Variants in SPOCK3 observed in about 807,000 individuals in gnomAD.
SPOCK3 encodes testican-3.
A neutral mutation model predicts 56.6 loss-of-function variants in SPOCK3; 30 were observed. That is an observed-to-expected ratio of 0.53 (90% CI 0.40 to 0.72). The LOEUF is 0.72. SPOCK3 is among the 30% of genes least tolerant of loss of function. SPOCK3 has a pLI of 0.00. For synonymous variants in SPOCK3, 196 were observed against 183.3 expected, an observed-to-expected ratio of 1.07 and a Z score of -0.56; for missense variants, 527 against 530.0, an observed-to-expected ratio of 0.99 and a Z score of 0.06.
intron 4 of SPOCK3, among the ~76,000 whole-genome samples, chr4:166,921,239 C>A (rs979187200): frequency 6.6e-5 from 10 of 152,052 alleles, no homozygotes; most frequent in Non-Finnish European, 1.2e-4. Flanking sequence ...TAAAAGGCAG[C>A]CTAATATTTT....
intron 2 of SPOCK3, among the ~76,000 whole-genome samples, chr4:167,203,767 A>G (rs1733753908): frequency 6.7e-6 from 1 of 149,892 alleles, no homozygotes; most frequent in Non-Finnish European, 1.5e-5. Flanking sequence ...GAGAAATGAA[A>G]TAACCAATCC....
At chr4:166,767,798 C>T (rs1299806643) in intron 7 of SPOCK3, among the ~76,000 whole-genome samples, 1 of 152,132 alleles carries the variant, frequency 6.6e-6, no homozygotes, top group African/African-American at 2.4e-5. Context: ...GTGTTAAAGT[C>T]TTCCATTATT....
chr4:167,129,101 T>C (rs1762511998), intron 2 of SPOCK3, among the ~76,000 whole-genome samples: 1 of 151,790 alleles, frequency 6.6e-6, no homozygotes, highest in Non-Finnish European at 1.5e-5. Flanking sequence ...TGACACAGAG[T>C]AGTGGTTCTC....
intron 2 of SPOCK3, among the ~76,000 whole-genome samples, chr4:167,097,178 A>G (rs1759231760): frequency 6.6e-6 from 1 of 151,772 alleles, no homozygotes; most frequent in Non-Finnish European, 1.5e-5. Flanking sequence ...GAACCACCAT[A>G]TAGTTGGGCT....
chr4:167,218,909 T>C (rs1735630270), intron 2 of SPOCK3, among the ~76,000 whole-genome samples: 1 of 152,168 alleles, frequency 6.6e-6, no homozygotes, highest in African/African-American at 2.4e-5. Flanking sequence ...TAGAGTTACT[T>C]TCAAATTTCA....
intron 2 of SPOCK3, among the ~76,000 whole-genome samples, chr4:167,205,443 ATATAT>A (rs1734121748): frequency 4.2e-5 from 2 of 47,974 alleles, no homozygotes; most frequent in East Asian, 8.5e-4. Flanking sequence ...ATATAATATA[ATATAT>A]ATTATATAAA....
chr4:166,969,486 T>TTTAAATGTGTTTAACACTTTTAACACA (rs573308126), intron 4 of SPOCK3, among the ~76,000 whole-genome samples: 9,504 of 147,108 alleles, frequency 0.065, 546 homozygotes, highest in Admixed American at 0.14. Flanking sequence ...GATCTAGTTG[T>TTTAAATGTGTTTAACACTTTTAACACA]TTAAATGTGT....
At chr4:167,035,882 C>G (rs756421458) in intron 3 of SPOCK3, among the ~76,000 whole-genome samples, 1 of 152,204 alleles carries the variant, frequency 6.6e-6, no homozygotes, top group Non-Finnish European at 1.5e-5. Flanking sequence ...TTCTGCAACT[C>G]CATGTCATTC....
intron 2 of SPOCK3, among the ~76,000 whole-genome samples, chr4:167,095,087 A>T (rs1759033639): frequency 6.6e-6 from 1 of 152,096 alleles, no homozygotes; most frequent in African/African-American, 2.4e-5. Flanking sequence ...TATTCAACAA[A>T]CTAGATAAGG....
chr4:167,112,212 A>G (rs1445652911), intron 2 of SPOCK3, among the ~76,000 whole-genome samples: 2 of 152,174 alleles, frequency 1.3e-5, no homozygotes, highest in East Asian at 1.9e-4. Context: ...TCTAAATCAT[A>G]TGAATCCCCT....
At chr4:166,919,544 T>G (rs1266025460) in intron 4 of SPOCK3, among the ~76,000 whole-genome samples, 3 of 152,182 alleles carry the variant, frequency 2.0e-5, no homozygotes, top group African/African-American at 7.2e-5. Flanking sequence ...AGCTTTGAAA[T>G]GTATAAAATG....
At chr4:166,738,701 T>C (rs1039227877) in intron 9 of SPOCK3, among the ~76,000 whole-genome samples, 8 of 143,726 alleles carry the variant, frequency 5.6e-5, no homozygotes, top group African/African-American at 1.5e-4. Context: ...TTCCCACCTA[T>C]GAGTGAGAAC....
intron 6 of SPOCK3, among the ~76,000 whole-genome samples, chr4:166,796,612 A>G (rs2126672136): frequency 6.6e-6 from 1 of 152,312 alleles, no homozygotes; most frequent in South Asian, 2.1e-4. Flanking sequence ...TGATTTAAAC[A>G]AATTCAGTAA....
intron 8 of SPOCK3, among the ~76,000 whole-genome samples, chr4:166,750,016 C>T (rs116129902): frequency 1.8e-4 from 28 of 152,176 alleles, no homozygotes; most frequent in African/African-American, 5.8e-4. Context: ...TGAAAATGCA[C>T]GTACATTTGA....
chr4:166,795,761 G>T (rs1218792182), intron 6 of SPOCK3, among the ~76,000 whole-genome samples: 1 of 151,358 alleles, frequency 6.6e-6, no homozygotes, highest in Non-Finnish European at 1.5e-5. Context: ...ATTTTTTTCA[G>T]GTGTCAAACT....
chr4:166,988,408 T>C (rs1747399692), intron 4 of SPOCK3, among the ~76,000 whole-genome samples: 1 of 152,046 alleles, frequency 6.6e-6, no homozygotes, highest in Non-Finnish European at 1.5e-5. Context: ...ATATACAGCT[T>C]AATGCAAATA....
At chr4:166,856,791 T>TCTATCTAG (rs1448343196) in intron 6 of SPOCK3, among the ~76,000 whole-genome samples, 1 of 151,098 alleles carries the variant, frequency 6.6e-6, no homozygotes, top group Non-Finnish European at 1.5e-5. Context: ...TATCTATCTA[T>TCTATCTAG]CTATCTATCT....
At chr4:166,736,499 T>C (rs1253719584) in intron 10 of SPOCK3, among the ~76,000 whole-genome samples, 1 of 152,138 alleles carries the variant, frequency 6.6e-6, no homozygotes, top group Admixed American at 6.6e-5. Flanking sequence ...AAAAATGTTA[T>C]GAACAAATGG....
chr4:167,059,418 C>G, intron 3 of SPOCK3, among the ~76,000 whole-genome samples: 1 of 152,006 alleles, frequency 6.6e-6, no homozygotes, highest in South Asian at 2.1e-4. Context: ...CCATCACTGG[C>G]CATCAGAGAA....
Sources: allele counts gnomAD v4.1 joint callset (sites outside exome capture counted in the v4.1 genomes callset), GRCh38; gene constraint gnomAD v4.1.1; transcripts MANE v1.5; gene names NCBI Gene and HGNC (gene_info 2026-07-23, HGNC 2026-07-21).